Variants in ZFHX4 observed in about 807,000 individuals in gnomAD.
The protein encoded by ZFHX4 is zinc finger homeobox 4.
A neutral mutation model predicts 267.6 loss-of-function variants in ZFHX4; 56 were observed. The ratio of observed to expected loss-of-function variants is 0.21; its 90% CI spans 0.17 to 0.26. ZFHX4 has a LOEUF of 0.26. ZFHX4 is among the 10% of genes least tolerant of loss of function. The probability of loss-of-function intolerance (pLI) is 1.00; values close to 1 mark genes in which losing one functional copy is unlikely to be tolerated. For missense variants in ZFHX4, 4,332 were observed against 4,420.0 expected (o/e 0.98, Z 0.56); for synonymous variants, 1,778 against 1,665.6 (o/e 1.07, Z -1.64).
intron 3 of ZFHX4, among the ~76,000 whole-genome samples, chr8:76,741,782 A>G (rs942370693): frequency 2.0e-5 from 3 of 152,136 alleles, no homozygotes; most frequent in South Asian, 2.1e-4. Context: ...ATCTAAAACC[A>G]CTTTTTTTCA....
At chr8:76,755,974 TCAACTTGC>T (rs1809749915) in intron 3 of ZFHX4, among the ~76,000 whole-genome samples, 1 of 152,206 alleles carries the variant, frequency 6.6e-6, no homozygotes, top group Non-Finnish European at 1.5e-5. Flanking sequence ...GTTATTTCCA[TCAACTTGC>T]TTCGTAGGAG....
intron 4 of ZFHX4, among the ~76,000 whole-genome samples, chr8:76,832,913 A>G (rs1811973432): frequency 6.6e-6 from 1 of 152,308 alleles, no homozygotes; most frequent in South Asian, 2.1e-4. Context: ...TTGGCACATC[A>G]GCTATCATAT....
intron 5 of ZFHX4, among the ~76,000 whole-genome samples, chr8:76,838,927 T>C (rs529258111): frequency 1.1e-4 from 17 of 152,084 alleles, no homozygotes; most frequent in African/African-American, 4.1e-4. Flanking sequence ...TGGTGGTGCA[T>C]GCCTGTGGTC....
In ZFHX4 at chr8:76,855,804, G is replaced by A; in HGVS notation, c.8883G>A (p.Met2961Ile). ...YRTPTMQECE[M>I]LGNEIGLPKR... ...CTCCAACCATGCAAGAATGTGAAAT[G>A]TTAGGGAATGAGATTGGTCTGCCCA... Residue 2961 changes from methionine (M) to isoleucine (I), a missense_variant, in exon 10 of 11, where the codon ATG becomes ATA. Transcript: ENST00000651372. 6.2e-7 allele frequency: 1 copy of A among 1,613,944 alleles called. No individual in the cohort carries two copies. The highest frequency in any genetic ancestry group is 1.1e-5 in the South Asian group (1 of 91,074).
chr8:76,743,848 A>G (rs146156457), intron 3 of ZFHX4, among the ~76,000 whole-genome samples: 26 of 152,362 alleles, frequency 1.7e-4, no homozygotes, highest in African/African-American at 6.3e-4. Flanking sequence ...CATCAATGTT[A>G]TTCTGGAATG....
rs766884602 is a variant in ZFHX4 at position 76,705,920 on chromosome 8, G to A, written c.1832G>A (p.Ser611Asn). The change falls in exon 2 of 11, where the codon AGT (serine) becomes AAT (asparagine). Residue 611 changes from serine to asparagine, a missense_variant. Physicochemically the swap from Ser to Asn is conservative, Grantham distance 46 (BLOSUM62 1). Transcript: ENST00000651372. The stretch of plus-strand genomic sequence containing the variant: ...CCTGGAGGAGACGGCTCACCGGGCA[G>A]TGGCATCGAGTGTCCAAAGTGCGAC... ...PGPGGDGSPG[S>N]GIECPKCDTV... The A allele has an allele frequency of 1.2e-6, 2 of 1,613,758 alleles. No individual in the cohort carries two copies. Among genetic ancestry groups the A allele is most frequent in the Non-Finnish European group, 1.7e-6 (2 of 1,179,878 alleles).
At chr8:76,829,566 T>A (rs1274709724) in intron 4 of ZFHX4, among the ~76,000 whole-genome samples, 1 of 152,076 alleles carries the variant, frequency 6.6e-6, no homozygotes, top group East Asian at 1.9e-4. Flanking sequence ...ATTCCAGCAC[T>A]TTGGGAGGCC....
chr8:76,828,455 C>T (rs1207119623), intron 4 of ZFHX4, among the ~76,000 whole-genome samples: 1 of 152,160 alleles, frequency 6.6e-6, no homozygotes, highest in Admixed American at 6.6e-5. Flanking sequence ...TTTGATATCT[C>T]ATCTCTTCCA....
intron 3 of ZFHX4, among the ~76,000 whole-genome samples, chr8:76,749,873 T>C (rs942645434): frequency 6.6e-6 from 1 of 152,204 alleles, no homozygotes; most frequent in African/African-American, 2.4e-5. Flanking sequence ...AGACTAATTA[T>C]ATTGCAAAAG....
At chr8:76,812,084 C>G (rs1410947174) in intron 4 of ZFHX4, among the ~76,000 whole-genome samples, 2 of 152,064 alleles carry the variant, frequency 1.3e-5, no homozygotes, top group Non-Finnish European at 2.9e-5. Flanking sequence ...TTTAATTGAG[C>G]CAATATTAAG....
rs772306051 is a variant in ZFHX4, at chr8:76,855,001, A to G, written c.8080A>G (p.Ile2694Val). The change falls in exon 10 of 11, where the codon ATT becomes GTT. Residue 2694 changes from isoleucine (I) to valine (V), a missense_variant. This residue lies in a region of ZFHX4 where 1,648 missense variants were observed against 1,625.0 expected (regional missense o/e 1.01). Coordinates refer to ENST00000651372, the MANE Select transcript of ZFHX4 (RefSeq NM_024721.5). The stretch of plus-strand genomic sequence containing the variant: ...AGCAAAGTCGGCCTTAGAAAGCCAC[A>G]TTCGCTCTCGGCACTGGAATGAAGG... ...FKAKSALESHIRSRHWNEGKQ... is the reference protein window; with the variant it reads ...FKAKSALESHVRSRHWNEGKQ... The G allele has an allele frequency of 1.9e-6, 3 of 1,613,862 alleles. 1 individual carries two copies. In the African/African-American group the frequency reaches 4.0e-5, roughly 22 times the overall value.
intron 3 of ZFHX4, among the ~76,000 whole-genome samples, chr8:76,775,873 G>A (rs1391243315): frequency 2.0e-5 from 3 of 151,386 alleles, no homozygotes; most frequent in African/African-American, 7.3e-5. Context: ...GTGAAGATGG[G>A]TTGGTGGAAA....
At chr8:76,827,795 T>C (rs1811825879) in intron 4 of ZFHX4, among the ~76,000 whole-genome samples, 1 of 152,110 alleles carries the variant, frequency 6.6e-6, no homozygotes, top group African/African-American at 2.4e-5. Flanking sequence ...CCTTACTATA[T>C]AAAAATAACT....
chr8:76,702,327 A>G (rs1008409678), intron 1 of ZFHX4, among the ~76,000 whole-genome samples: 3 of 152,178 alleles, frequency 2.0e-5, no homozygotes, highest in African/African-American at 7.2e-5. Flanking sequence ...TTCATTTTCA[A>G]TCTATGCAGA....
intron 4 of ZFHX4, chr8:76,782,021 C>G (rs1230526653): frequency 3.3e-6 from 1 of 304,124 alleles, no homozygotes; most frequent in African/African-American, 2.2e-5. Flanking sequence ...ATTCCATTTC[C>G]ATGGAATTTC....
rs1172474781 is a variant in ZFHX4, at chr8:76,850,247, G to C, written c.3849G>C (p.Val1283=). Residue 1283 remains valine (V), a splice_region_variant and synonymous_variant, in exon 9 of 11, where the codon GTG becomes GTC. Coordinates refer to ENST00000651372, the MANE Select transcript of ZFHX4 (RefSeq NM_024721.5). ...PDCVEKLLMT[V]PVPDVMMPNS... is the part of the protein sequence containing the mutation. ...ATAAACCCCTTTGGTTTCCAAAGGT[G>C]CCTGTCCCTGATGTGATGATGCCAA... The C allele has an allele frequency of 6.2e-7, 1 of 1,611,292 alleles. No homozygotes were observed. Among genetic ancestry groups the C allele is most frequent in the African/African-American group, 1.3e-5 (1 of 74,984 alleles).
At chr8:76,712,354 AT>A (rs1385603324) in intron 3 of ZFHX4, among the ~76,000 whole-genome samples, 2 of 152,202 alleles carry the variant, frequency 1.3e-5, no homozygotes, top group Non-Finnish European at 2.9e-5. Flanking sequence ...TGTAAAGGAA[AT>A]TTAAAAAATG....
chr8:76,699,830 C>T (rs1808056861), intron 1 of ZFHX4, among the ~76,000 whole-genome samples: 1 of 149,598 alleles, frequency 6.7e-6, no homozygotes, highest in Non-Finnish European at 1.5e-5. Flanking sequence ...CTCAATGTGG[C>T]TTTAGCAACC....
At position 76,705,581 on chromosome 8, in the gene ZFHX4, A is replaced by G; in HGVS notation, c.1493A>G (p.Lys498Arg). 6.2e-7 allele frequency: 1 copy of G among 1,613,748 alleles called. No homozygotes were observed. The highest frequency in any genetic ancestry group is 1.3e-5 in the African/African-American group (1 of 75,052). The change falls in exon 2 of 11, where the codon AAA becomes AGA. Residue 498 changes from lysine to arginine, a missense_variant. Around this residue, in one of 7 missense-constraint regions of ZFHX4, gnomAD observed 1,195 missense variants for 1,173.6 expected, o/e 1.02. Coordinates refer to ENST00000651372, the MANE Select transcript of ZFHX4 (RefSeq NM_024721.5). ...LGELTDSIGN[K>R]DFPLLNQSIS... ...GAACTCACCGATAGTATTGGTAACA[A>G]AGATTTCCCTCTCTTAAACCAAAGC...
Sources: gnomAD v4.1 joint callset for allele counts (sites outside exome capture counted in the v4.1 genomes callset) on GRCh38, gnomAD v4.1.1 for gene constraint, gnomAD v4.1.1 regional missense constraint, MANE v1.5 for transcripts, NCBI Gene and HGNC (gene_info 2026-07-23, HGNC 2026-07-21) for gene names.